The following RAB37 variants were observed in gnomAD, a reference collection of about 807,000 sequenced individuals.
RAB37 encodes ras-related protein Rab-37.
In RAB37, 29 loss-of-function variants were observed where a neutral mutation model predicts 33.1. The ratio of observed to expected loss-of-function variants is 0.88; its 90% CI spans 0.65 to 1.20. The LOEUF is 1.20. RAB37 is among the 50% of genes most tolerant of loss of function. The pLI, the probability that RAB37 is intolerant of heterozygous loss-of-function variation, is 0.00. For missense variants in RAB37, 299 were observed against 301.1 expected, an observed-to-expected ratio of 0.99 and a Z score of 0.05; for synonymous variants, 128 against 119.5, an observed-to-expected ratio of 1.07 and a Z score of -0.47.
chr17:74,693,357 G>T (rs2032203369), intron 1 of RAB37, among the ~76,000 whole-genome samples: 1 of 152,210 alleles, frequency 6.6e-6, no homozygotes, highest in South Asian at 2.1e-4. Flanking sequence ...GGGTGAAGGG[G>T]CAGCCAGCAG....
upstream of RAB37, chr17:74,736,876 G>C: frequency 1.3e-6 from 2 of 1,501,602 alleles, no homozygotes; most frequent in South Asian, 2.5e-5. Context: ...GACAGCCCAC[G>C]GCCCGGGGCT....
Position 74,740,793 on chromosome 17 carries a change from T to C in RAB37, c.119T>C (p.Val40Ala). The change falls in exon 2 of 9, where the codon GTC becomes GCC. Residue 40 changes from valine (V) to alanine (A), a missense_variant. Coordinates refer to ENST00000392613, the MANE Select transcript of RAB37 (RefSeq NM_001006638.3). ...GTGATGCTTCTGGGAGACACAGGCGTCGGCAAAACATGTTTCCTGATCCAA... is the reference window on the plus strand; with the variant it reads ...GTGATGCTTCTGGGAGACACAGGCGCCGGCAAAACATGTTTCCTGATCCAA... ...GKVMLLGDTG[V>A]GKTCFLIQFK... The C allele has an allele frequency of 3.1e-6, 5 of 1,614,078 alleles. No homozygotes were observed. The highest frequency in any genetic ancestry group is 4.2e-6 in the Non-Finnish European group (5 of 1,179,990).
chr17:74,676,949 G>A lies in RAB37; in HGVS notation c.72+5291G>A, dbSNP rs192775889. 7.0e-4 allele frequency among the ~76,000 whole-genome samples: 106 copies of A among 152,124 alleles called. 1 individual carries two copies. The East Asian group carries it at 0.016, about 23-fold the overall frequency. On this transcript the variant is annotated intron_variant, in intron 1 of 7. Coordinates refer to the RAB37 transcript ENST00000340415. This position sits in a 1 kb window ranked among gnomAD's most constrained non-coding sequence, Gnocchi z 4.1. ...AGGTGGATCATGAGGTCAGGAATTC[G>A]AGACCAGCTTGGCCAACATGGTGAA...
chr17:74,715,793 T>G (rs1399732048), intron 1 of RAB37, among the ~76,000 whole-genome samples: 1 of 152,076 alleles, frequency 6.6e-6, no homozygotes, highest in Non-Finnish European at 1.5e-5. Flanking sequence ...TTTGGGAGGC[T>G]GAGGCAGGCG....
At chr17:74,696,903 T>TGTTTGGTTTG (rs72122986) in intron 1 of RAB37, among the ~76,000 whole-genome samples, 3,151 of 146,918 alleles carry the variant, frequency 0.021, 65 homozygotes, top group Non-Finnish European at 0.034. Flanking sequence ...GGACCGATTT[T>TGTTTGGTTTG]GTTTGGTTTG....
intron 1 of RAB37, among the ~76,000 whole-genome samples, chr17:74,686,622 G>C (rs1014839758): frequency 6.6e-6 from 1 of 152,062 alleles, no homozygotes; most frequent in African/African-American, 2.4e-5. Context: ...TCTAACTCCT[G>C]ACCTCAAATG....
At chr17:74,728,793 T>C (rs891127309) in intron 1 of RAB37, among the ~76,000 whole-genome samples, 1 of 152,162 alleles carries the variant, frequency 6.6e-6, no homozygotes, top group African/African-American at 2.4e-5. Context: ...GTCATGTGTG[T>C]TCTGTGCATA....
At chr17:74,716,455 C>G (rs2034165965) in intron 1 of RAB37, among the ~76,000 whole-genome samples, 1 of 152,182 alleles carries the variant, frequency 6.6e-6, no homozygotes, top group Non-Finnish European at 1.5e-5. Context: ...TTTAGTTCCC[C>G]TCACTTCCAA....
At position 74,737,421 on chromosome 17, in the gene RAB37, G is replaced by T. The variant is rs556199030; in HGVS notation, c.93+56G>T. ...CCTCCTCGGCGCTAGCCCCTTCCTG[G>T]CTGCGTCTGGGTTGGACTCAGCCCT... On this transcript the variant is annotated intron_variant, in intron 1 of 8. Transcript: ENST00000392613. 35 of 1,499,584 alleles carry T rather than the reference G, an allele frequency of 2.3e-5. No homozygotes were observed. The Admixed American group carries it at 4.8e-4, about 21-fold the overall frequency. The allele number at this position is 1,499,584 out of a possible 1,614,324, so 92.9% of individuals were successfully genotyped here.
In RAB37 at chr17:74,729,500, C is replaced by A; in HGVS notation, c.183+134C>A. 1.4e-6 allele frequency: 1 copy of A among 721,200 alleles called. No individual in the cohort carries two copies. The highest frequency in any genetic ancestry group is 2.6e-5 in the East Asian group (1 of 38,830). The allele number at this position is 721,200 out of a possible 1,614,324, so 44.7% of individuals were successfully genotyped here. On this transcript the variant is annotated intron_variant, in intron 2 of 7. Coordinates refer to the RAB37 transcript ENST00000340415. This position sits in a 1 kb window ranked among gnomAD's most constrained non-coding sequence, Gnocchi z 4.2. ...GAGGATTAAGGAGAAGACTGTTCCC[C>A]AAGGTGTAGGAGGGTGTTGGGTGAC...
rs2034506860 is a variant in RAB37 at position 74,737,466 on chromosome 17, T to A, written c.93+101T>A. 5 of 1,303,248 alleles carry A rather than the reference T, an allele frequency of 3.8e-6. No homozygotes were observed. In the East Asian group the frequency reaches 7.7e-5, roughly 20 times the overall value. 80.7% of individuals were successfully genotyped at this position (1,303,248 alleles called of 1,614,324 possible). A position where few individuals can be genotyped will look rare whatever the true frequency, so the allele number is the denominator to read the frequency against. ...AGCCCTTCCCCCAGGCAGCTGCGTC[T>A]CCCAGAGGAGGGAGGGAGAGAGGGT... On this transcript the variant is annotated intron_variant, in intron 1 of 8. Coordinates refer to ENST00000392613, the MANE Select transcript of RAB37 (RefSeq NM_001006638.3).
intron 1 of RAB37, among the ~76,000 whole-genome samples, chr17:74,739,616 A>G (rs371247754): frequency 7.2e-6 from 1 of 138,636 alleles, no homozygotes; most frequent in African/African-American, 2.8e-5. Context: ...TGCAACCTCT[A>G]CCTCCTGGGT....
At chr17:74,679,381 C>T (rs1489746482) in intron 1 of RAB37, among the ~76,000 whole-genome samples, 1 of 152,108 alleles carries the variant, frequency 6.6e-6, no homozygotes, top group Non-Finnish European at 1.5e-5. Context: ...TGGAGTCTCC[C>T]TCCTCGCCTC....
At chr17:74,710,485 G>T (rs2033866101) in intron 1 of RAB37, among the ~76,000 whole-genome samples, 1 of 152,112 alleles carries the variant, frequency 6.6e-6, no homozygotes, top group Non-Finnish European at 1.5e-5. Flanking sequence ...AAGTAGAAAA[G>T]TGCTCATTTA....
intron 1 of RAB37, among the ~76,000 whole-genome samples, chr17:74,726,259 A>G (rs2034306177): frequency 6.7e-6 from 1 of 149,486 alleles, no homozygotes; most frequent in Non-Finnish European, 1.5e-5. Flanking sequence ...AAAGACCATG[A>G]CCAATATGAG....
At chr17:74,695,976 TC>T (rs2032428618) in intron 1 of RAB37, 2 of 1,322,862 alleles carry the variant, frequency 1.5e-6, no homozygotes, top group Non-Finnish European at 1.0e-6. Flanking sequence ...CTCTCCCATT[TC>T]CCTCCGTGTC....
At chr17:74,712,982 A>G (rs2034078833) in intron 1 of RAB37, 5 of 1,062,798 alleles carry the variant, frequency 4.7e-6, no homozygotes, top group South Asian at 4.2e-5. Context: ...TCCTTCAGTC[A>G]CTTCCCATGG....
chr17:74,744,608 G>T lies in RAB37; in HGVS notation c.432+235G>T. The T allele has an allele frequency of 3.2e-6, 2 of 624,990 alleles. No individual in the cohort carries two copies. The highest frequency in any genetic ancestry group is 2.8e-6 in the Non-Finnish European group (1 of 353,984). The allele number at this position is 624,990 out of a possible 1,614,324, so 38.7% of individuals were successfully genotyped here. A position where few individuals can be genotyped will look rare whatever the true frequency, so the allele number is the denominator to read the frequency against. On this transcript the variant is annotated intron_variant, in intron 6 of 8. Coordinates refer to ENST00000392613, the MANE Select transcript of RAB37 (RefSeq NM_001006638.3). The surrounding 1 kb of genome is among the most constrained non-coding windows in gnomAD (Gnocchi z 4.2). ...TGCCCAGTTCTCAGCCCCCATTAGA[G>T]CAGAGTGAACAGGGTCCCAGGTCAG... is the stretch of plus-strand genomic sequence containing the variant.
At chr17:74,725,278 G>A (rs1317130306) in intron 1 of RAB37, among the ~76,000 whole-genome samples, 1 of 152,104 alleles carries the variant, frequency 6.6e-6, no homozygotes, top group Non-Finnish European at 1.5e-5. Flanking sequence ...CTGTTGAGTG[G>A]CGAGAGAAGA....
Sources: gnomAD v4.1 joint callset for allele counts (sites outside exome capture counted in the v4.1 genomes callset) on GRCh38, gnomAD v4.1.1 for gene constraint, Gnocchi (gnomAD v3.1) non-coding constraint, MANE v1.5 for transcripts, NCBI Gene and HGNC (gene_info 2026-07-23, HGNC 2026-07-21) for gene names.